Variants in BRCA1 observed in about 807,000 individuals in gnomAD.
BRCA1 encodes BRCA1 DNA repair associated.
A neutral mutation model predicts 173.7 loss-of-function variants in BRCA1; 140 were observed. The ratio of observed to expected loss-of-function variants is 0.81; its 90% CI spans 0.70 to 0.93. The LOEUF (loss-of-function observed/expected upper bound fraction) is 0.93, where lower values mean the gene tolerates loss of function less well. Among genes scored for constraint, BRCA1 ranks in the 40% least tolerant of loss-of-function variants. The pLI is 0.00. For missense variants in BRCA1, 1,983 were observed against 2,172.5 expected, an observed-to-expected ratio of 0.91 and a Z score of 1.73; for synonymous variants, 662 against 756.0, an observed-to-expected ratio of 0.88 and a Z score of 2.04.
chr17:43,076,411 G>C (rs1004770902), intron 13 of BRCA1, 77 bp downstream of exon 13: 1 of 1,565,464 alleles, frequency 6.4e-7, no homozygotes, highest in African/African-American at 1.4e-5. Flanking sequence ...AAAGTATGGT[G>C]AAAAAAATTA....
intron 4 of BRCA1, 90 bp downstream of exon 4, chr17:43,106,366 T>C (rs1248638971): frequency 2.4e-6 from 2 of 817,364 alleles, no homozygotes; most frequent in East Asian, 2.7e-5. Context: ...TTCTGATGAA[T>C]GGTTTTATAG....
chr17:43,144,735 C>G (rs35076207), intron 1 of BRCA1: 5 of 276,110 alleles, frequency 1.8e-5, no homozygotes, highest in Non-Finnish European at 3.6e-5. Context: ...AAGAGCAGCT[C>G]CGAGGGCAGG....
At chr17:43,169,645 C>T (rs1414718501) in intron 1 of BRCA1, among the ~76,000 whole-genome samples, 1 of 151,944 alleles carries the variant, frequency 6.6e-6, no homozygotes, top group African/African-American at 2.4e-5. Flanking sequence ...CAGGTTCCGC[C>T]CCCGCCCCTC....
At chr17:43,106,314 T>G (rs1434972014) in intron 4 of BRCA1, 142 bp downstream of exon 4, 4 of 596,160 alleles carry the variant, frequency 6.7e-6, no homozygotes, top group South Asian at 4.5e-5. Flanking sequence ...AAAATAACTT[T>G]GGAAATAATT....
intron 12 of BRCA1, among the ~76,000 whole-genome samples, chr17:43,080,025 C>T (rs2052932496): frequency 6.6e-6 from 1 of 152,106 alleles, no homozygotes; most frequent in Admixed American, 6.5e-5. Flanking sequence ...CCAACCTAAG[C>T]CTTGTGACAT....
chr17:43,065,683 A>AAAACAG (rs747236504), intron 16 of BRCA1, among the ~76,000 whole-genome samples: 2 of 152,168 alleles, frequency 1.3e-5, no homozygotes, highest in Non-Finnish European at 2.9e-5. Context: ...AACAAAAACA[A>AAAACAG]AAACAAAAGA....
chr17:43,137,193 ACAC>A lies in BRCA1; in HGVS notation c.-19-13081_-19-13079del, dbSNP rs748082798. ...AACTATCGCAAGGACAGAAAACCAA[ACAC>A]CACATGTTCTCATAGGTGGGAACTG... On this transcript the variant is annotated intron_variant, in intron 1 of 7. Transcript: ENST00000634433. 2.7e-3 allele frequency among the ~76,000 whole-genome samples: 399 copies of A among 148,084 alleles called. 1 individual carries two copies. Among genetic ancestry groups the A allele is most frequent in the Non-Finnish European group, 3.7e-3 (249 of 67,336 alleles).
intron 18 of BRCA1, among the ~76,000 whole-genome samples, chr17:43,058,868 G>A (rs990125281): frequency 4.6e-5 from 7 of 152,140 alleles, no homozygotes; most frequent in African/African-American, 1.4e-4. Flanking sequence ...AAAGAATAAT[G>A]AGACTGGGGA....
At position 43,057,055 on chromosome 17, in the gene BRCA1, T is replaced by C. The variant is rs758739620; in HGVS notation, c.5274A>G (p.Arg1758=). ...GPKRARESQD[R]KIFRGLEICC... is the part of the protein sequence containing the mutation. ...AACTTGAGGGAGGGAGCTTTACCTTTCTGTCCTGGGATTCTCTTGCTCGCT... is the reference window on the plus strand; with the variant it reads ...AACTTGAGGGAGGGAGCTTTACCTTCCTGTCCTGGGATTCTCTTGCTCGCT... The change falls in exon 19 of 23, where the codon AGA becomes AGG. Residue 1758 remains arginine, a synonymous_variant. Transcript: ENST00000357654. The C allele has an allele frequency of 3.7e-6, 6 of 1,614,024 alleles. No individual in the cohort carries two copies. The highest frequency in any genetic ancestry group is 5.1e-6 in the Non-Finnish European group (6 of 1,179,906).
chr17:43,102,962 T>A (rs1189868383), intron 6 of BRCA1, among the ~76,000 whole-genome samples: 1 of 151,526 alleles, frequency 6.6e-6, no homozygotes, highest in East Asian at 1.9e-4. Flanking sequence ...TTTTTTTTTT[T>A]AATTGCAGAG....
At position 43,045,152 on chromosome 17, in the gene BRCA1, A is replaced by G. The variant is rs1302206311; in HGVS notation, c.*526T>C. ...ATACCTGCCTCAGAATTTCCTCCCC[A>G]ATGTTCCACTCCAACATTTGAGAAC... On this transcript the variant is annotated 3_prime_UTR_variant, in exon 23 of 23. Transcript: ENST00000357654. The G allele has an allele frequency of 1.9e-6, 1 of 535,028 alleles. No homozygotes were observed. The highest frequency in any genetic ancestry group is 3.6e-6 in the Non-Finnish European group (1 of 276,852). 33.1% of individuals were successfully genotyped at this position (535,028 alleles called of 1,614,324 possible). A position where few individuals can be genotyped will look rare whatever the true frequency, so the allele number is the denominator to read the frequency against.
At chr17:43,071,611 T>C (rs1033455346) in intron 14 of BRCA1, among the ~76,000 whole-genome samples, 5 of 152,188 alleles carry the variant, frequency 3.3e-5, no homozygotes, top group Non-Finnish European at 7.4e-5. Context: ...CTTCACCCAT[T>C]AATTTGAATA....
chr17:43,082,774 G>C (rs1433598811), intron 11 of BRCA1, 199 bp from the exon 12 acceptor site: 6 of 627,428 alleles, frequency 9.6e-6, no homozygotes, highest in Non-Finnish European at 1.6e-5. Context: ...AATGATGTTA[G>C]TGAGGGAAAA....
chr17:43,073,787 C>G (rs991871279), intron 14 of BRCA1, among the ~76,000 whole-genome samples: 2 of 151,716 alleles, frequency 1.3e-5, no homozygotes, highest in African/African-American at 4.8e-5. Context: ...TGGAGTCTTG[C>G]TCTGTCACCC....
intron 18 of BRCA1, among the ~76,000 whole-genome samples, chr17:43,062,631 C>G (rs1029475776): frequency 6.6e-6 from 1 of 151,964 alleles, no homozygotes; most frequent in Non-Finnish European, 1.5e-5. Flanking sequence ...CGGAGTCTCG[C>G]TCTGTTGCCA....
intron 6 of BRCA1, among the ~76,000 whole-genome samples, chr17:43,100,658 A>ATGTGT (rs1567807510): frequency 7.9e-5 from 1 of 12,654 alleles, no homozygotes; most frequent in Non-Finnish European, 1.1e-4. Context: ...TATATATAAC[A>ATGTGT]TATATATATA....
rs273902781 is a variant in BRCA1, at chr17:43,094,871, AC to A, written c.671-12del. The A allele has an allele frequency of 1.6e-4, 251 of 1,598,088 alleles. 4 individuals are homozygous for A. In the South Asian group the frequency reaches 2.7e-3, roughly 17 times the overall value. On this transcript the variant is annotated splice_polypyrimidine_tract_variant and intron_variant, in intron 9 of 22. Transcript: ENST00000357654. ...AAAATTCACAAGCAGCTGAAAATAT[AC>A]AAAAATAACAAGGTACTCAAAAACT...
At chr17:43,087,651 A>C (rs2053278197) in intron 11 of BRCA1, among the ~76,000 whole-genome samples, 1 of 151,326 alleles carries the variant, frequency 6.6e-6, no homozygotes, top group Non-Finnish European at 1.5e-5. Flanking sequence ...AACAAGAGTG[A>C]AACTCCATCT....
At chr17:43,153,111 G>A (rs890648794) in intron 1 of BRCA1, among the ~76,000 whole-genome samples, 26 of 152,292 alleles carry the variant, frequency 1.7e-4, no homozygotes, top group African/African-American at 5.5e-4. Flanking sequence ...ATTACTTCTG[G>A]ATTTAGGAGA....
Sources: allele counts gnomAD v4.1 joint callset (sites outside exome capture counted in the v4.1 genomes callset), GRCh38; gene constraint gnomAD v4.1.1; transcripts MANE v1.5; gene names NCBI Gene and HGNC (gene_info 2026-07-23, HGNC 2026-07-21).